Variants in MSRA observed in about 807,000 individuals in gnomAD.
MSRA encodes methionine sulfoxide reductase A, also known as mitochondrial peptide methionine sulfoxide reductase.
In MSRA, 54 loss-of-function variants were observed where a neutral mutation model predicts 31.3. The observed-to-expected ratio is 1.73, with a 90% CI of 1.39 to 2.17. The LOEUF (loss-of-function observed/expected upper bound fraction) is 2.17, where lower values mean the gene tolerates loss of function less well. Among genes scored for constraint, MSRA ranks in the 30% most tolerant of loss-of-function variants. The probability of loss-of-function intolerance (pLI) is 0.00; values close to 1 mark genes in which losing one functional copy is unlikely to be tolerated. For synonymous variants in MSRA, 169 were observed against 116.5 expected, an observed-to-expected ratio of 1.45 and a Z score of -2.90; for missense variants, 507 against 300.9, an observed-to-expected ratio of 1.69 and a Z score of -5.07.
intron 2 of MSRA, among the ~76,000 whole-genome samples, chr8:10,210,221 C>G (rs1250153150): frequency 6.6e-6 from 1 of 152,162 alleles, no homozygotes; most frequent in Non-Finnish European, 1.5e-5. Context: ...TCATATACTC[C>G]TCTTCCTAGC....
chr8:10,244,784 A>G (rs1453096435), intron 2 of MSRA, among the ~76,000 whole-genome samples: 1 of 152,190 alleles, frequency 6.6e-6, no homozygotes, highest in African/African-American at 2.4e-5. Flanking sequence ...TATGAATTGG[A>G]TGTGGAAATA....
intron 5 of MSRA, among the ~76,000 whole-genome samples, chr8:10,350,906 G>C (rs1040864923): frequency 6.6e-6 from 1 of 152,194 alleles, no homozygotes; most frequent in Non-Finnish European, 1.5e-5. Context: ...GTCCAAGGCC[G>C]CCAGAGGGCT....
chr8:10,213,347 C>T (rs1163053001), intron 2 of MSRA, among the ~76,000 whole-genome samples: 2 of 150,660 alleles, frequency 1.3e-5, no homozygotes, highest in South Asian at 4.2e-4. Context: ...GTTGTTGCAA[C>T]ACTATGTTGC....
At chr8:10,335,039 G>C (rs1479501141) in intron 5 of MSRA, among the ~76,000 whole-genome samples, 1 of 152,182 alleles carries the variant, frequency 6.6e-6, no homozygotes, top group African/African-American at 2.4e-5. Context: ...CCATGGCCCC[G>C]TGCAGGTAGA....
chr8:10,327,797 G>C (rs189820800), intron 5 of MSRA, among the ~76,000 whole-genome samples: 1 of 152,116 alleles, frequency 6.6e-6, no homozygotes, highest in East Asian at 1.9e-4. Flanking sequence ...GTCAGGCGTG[G>C]TGGTGGGCGC....
rs114040434 is a variant in MSRA, at chr8:10,305,989, T to G, written c.436+4351T>G. 8.5e-3 allele frequency among the ~76,000 whole-genome samples: 1,288 copies of G among 152,362 alleles called. 16 individuals are homozygous for G. The highest frequency in any genetic ancestry group is 0.029 in the African/African-American group (1,218 of 41,584). ...GCTGAAACATTTGAATCCCACTGTT[T>G]AAGCCAATAGGTTCTATTCTGGCCT... On this transcript the variant is annotated intron_variant, in intron 4 of 5. Coordinates refer to ENST00000317173, the MANE Select transcript of MSRA (RefSeq NM_012331.5).
At chr8:10,259,933 G>A (rs1798384723) in intron 3 of MSRA, among the ~76,000 whole-genome samples, 1 of 152,238 alleles carries the variant, frequency 6.6e-6, no homozygotes, top group African/African-American at 2.4e-5. Flanking sequence ...GTGTTCTGCT[G>A]TTCACAGTCC....
intron 5 of MSRA, among the ~76,000 whole-genome samples, chr8:10,419,848 A>T (rs930699476): frequency 1.3e-5 from 2 of 152,108 alleles, no homozygotes; most frequent in Admixed American, 1.3e-4. Flanking sequence ...GGCCACTGGG[A>T]TCAGCTGGGT....
intron 2 of MSRA, among the ~76,000 whole-genome samples, chr8:10,214,617 A>G (rs1809826342): frequency 6.6e-6 from 1 of 152,194 alleles, no homozygotes; most frequent in Admixed American, 6.5e-5. Context: ...CACTCATTCC[A>G]GGAAAAAGGC....
chr8:10,405,950 A>G (rs1563444818), intron 5 of MSRA, among the ~76,000 whole-genome samples: 1 of 151,788 alleles, frequency 6.6e-6, no homozygotes, highest in Non-Finnish European at 1.5e-5. Context: ...ACACACACAC[A>G]TGTGATGGAT....
chr8:10,254,974 G>T (rs1433371079), intron 3 of MSRA, among the ~76,000 whole-genome samples: 1 of 152,200 alleles, frequency 6.6e-6, no homozygotes, highest in African/African-American at 2.4e-5. Context: ...TGATTTGTTT[G>T]AAACTTTTAT....
chr8:10,336,073 G>C (rs55656427), intron 5 of MSRA, among the ~76,000 whole-genome samples: 26,565 of 152,080 alleles, frequency 0.17, 3,124 homozygotes, highest in Non-Finnish European at 0.26. Flanking sequence ...GAGGAAGATC[G>C]CTCCTCCCTT....
intron 3 of MSRA, chr8:10,250,679 G>T (rs1030192109): frequency 2.6e-5 from 15 of 567,428 alleles, no homozygotes; most frequent in Non-Finnish European, 4.1e-5. Context: ...GGGAGTCCTC[G>T]TGTGACCCTC....
At chr8:10,233,998 C>A (rs181260375) in intron 2 of MSRA, among the ~76,000 whole-genome samples, 17 of 152,154 alleles carry the variant, frequency 1.1e-4, no homozygotes, top group African/African-American at 4.1e-4. Flanking sequence ...TGCCAATGAT[C>A]GTGAGAAGAC....
In MSRA at chr8:10,348,665, G is replaced by T. The variant is rs117686187; in HGVS notation, c.543+28676G>T. On this transcript the variant is annotated intron_variant, in intron 5 of 5. Transcript: ENST00000317173. ...TTACAGGTGTGAGCCACCATGCCTG[G>T]CCCTGGCTTTTCTTTAGTAGAAGTT... Among the ~76,000 whole-genome samples the T allele has an allele frequency of 3.0e-4, 45 of 152,258 alleles. 1 individual carries two copies. In the East Asian group the frequency reaches 8.7e-3, roughly 29 times the overall value.
At chr8:10,171,577 C>A (rs554548933) in intron 1 of MSRA, among the ~76,000 whole-genome samples, 2 of 152,120 alleles carry the variant, frequency 1.3e-5, no homozygotes, top group Non-Finnish European at 2.9e-5. Flanking sequence ...GTCAGCATTG[C>A]CCTTCCCTCA....
chr8:10,342,170 C>T (rs892447781), intron 5 of MSRA, among the ~76,000 whole-genome samples: 1 of 152,220 alleles, frequency 6.6e-6, no homozygotes, highest in African/African-American at 2.4e-5. Flanking sequence ...TGAGATTTTT[C>T]CGCTCATTTG....
chr8:10,315,726 A>G (rs1239337297), intron 4 of MSRA, among the ~76,000 whole-genome samples: 2 of 152,194 alleles, frequency 1.3e-5, no homozygotes, highest in Non-Finnish European at 2.9e-5. Flanking sequence ...AAACTTTAAG[A>G]TTTGGACTTG....
intron 3 of MSRA, among the ~76,000 whole-genome samples, chr8:10,251,721 T>A (rs1035888483): frequency 2.0e-5 from 3 of 152,136 alleles, no homozygotes; most frequent in African/African-American, 7.2e-5. Context: ...GACAGATTAG[T>A]TCAGTGAATG....
Sources: allele counts gnomAD v4.1 joint callset (sites outside exome capture counted in the v4.1 genomes callset), GRCh38; gene constraint gnomAD v4.1.1; transcripts MANE v1.5; gene names NCBI Gene and HGNC (gene_info 2026-07-23, HGNC 2026-07-21).